Variants in EFS observed in about 807,000 individuals in gnomAD.
EFS encodes Cas scaffolding protein family member 3.
In EFS, 34 loss-of-function variants were observed where a neutral mutation model predicts 42.2. The observed-to-expected ratio is 0.81, with a 90% confidence interval of 0.61 to 1.07. The LOEUF (loss-of-function observed/expected upper bound fraction) is 1.07, where lower values mean the gene tolerates loss of function less well. Ranked by LOEUF, EFS falls within the 50% of genes least tolerant of loss-of-function variation. EFS has a pLI of 0.00. For missense variants in EFS, 717 were observed against 729.4 expected (o/e 0.98, Z 0.20); for synonymous variants, 299 against 320.7 (o/e 0.93, Z 0.72).
chr14:23,361,196 C>T (rs764307245), intron 1 of EFS, among the ~76,000 whole-genome samples: 2 of 152,164 alleles, frequency 1.3e-5, no homozygotes, highest in African/African-American at 2.4e-5. Flanking sequence ...AACATAGGAA[C>T]GGCTATATTT....
chr14:23,361,390 G>C (rs943728952), intron 1 of EFS, among the ~76,000 whole-genome samples: 3 of 152,134 alleles, frequency 2.0e-5, no homozygotes, highest in African/African-American at 7.2e-5. Flanking sequence ...TGAGAGACTG[G>C]GAGAGGCCTA....
Position 23,357,164 on chromosome 14 carries a change from A to C in EFS, c.*62T>G. The C allele has an allele frequency of 2.8e-6, 4 of 1,438,530 alleles. No individual in the cohort carries two copies. Among genetic ancestry groups the C allele is most frequent in the Non-Finnish European group, 3.7e-6 (4 of 1,079,464 alleles). The allele number at this position is 1,438,530 out of a possible 1,614,324, so 89.1% of individuals were successfully genotyped here. A position where few individuals can be genotyped will look rare whatever the true frequency, so the allele number is the denominator to read the frequency against. ...AGTCCCTTAACAAAGCCTTCCAGCC[A>C]CCCAAGGCCTAAAGGGGGGCTTTGG... On this transcript the variant is annotated 3_prime_UTR_variant, in exon 6 of 6. Transcript: ENST00000216733.
At chr14:23,360,953 A>T in intron 1 of EFS, 120 bp from the exon 2 acceptor site, 1 of 1,072,348 alleles carries the variant, frequency 9.3e-7, no homozygotes, top group African/African-American at 1.7e-5. Flanking sequence ...TGAACTCTGG[A>T]TGCAGCTTTC....
intron 1 of EFS, among the ~76,000 whole-genome samples, chr14:23,363,085 T>C (rs1884073238): frequency 6.6e-6 from 1 of 152,014 alleles, no homozygotes; most frequent in Admixed American, 6.6e-5. Context: ...GGCTAATTTT[T>C]TGTATTTTTA....
chr14:23,359,422 G>A lies in EFS; in HGVS notation c.1056C>T (p.Val352=), dbSNP rs759542910. The A allele has an allele frequency of 1.9e-5, 30 of 1,609,786 alleles. No homozygotes were observed. In the East Asian group the frequency reaches 4.7e-4, roughly 25 times the overall value. Residue 352 remains valine, a synonymous_variant, in exon 4 of 6, where the codon GTC becomes GTT. Transcript: ENST00000216733. The part of the protein sequence containing the change: ...PRLPGYGGPK[V]EGDPEGREME... ...TCTCCCTGCCCTCTGGATCCCCCTC[G>A]ACCTTGGGGCCTCCATAACCAGGCA... is the stretch of plus-strand genomic sequence containing the variant.
Position 23,358,952 on chromosome 14 carries a change from G to T in EFS, c.1175C>A (p.Ala392Asp), listed in dbSNP as rs1307647948. 5.0e-6 allele frequency: 8 copies of T among 1,612,394 alleles called. No homozygotes were observed. The highest frequency in any genetic ancestry group is 6.8e-6 in the Non-Finnish European group (8 of 1,179,226). The change falls in exon 5 of 6, where the codon GCT becomes GAT. Residue 392 changes from alanine (A) to aspartate (D), a missense_variant. Coordinates refer to ENST00000216733, the MANE Select transcript of EFS (RefSeq NM_005864.4). ...CTGATCCGGGGGCCTAGATCCCTGA[G>T]CTTTGTCCATGCCCTGCAGGAGGGG... ...DYVHLKGMDKAQGSRPPDQAC... is the reference protein window; with the variant it reads ...DYVHLKGMDKDQGSRPPDQAC...
chr14:23,364,371 T>C (rs772128928), intron 1 of EFS, among the ~76,000 whole-genome samples: 10 of 152,042 alleles, frequency 6.6e-5, no homozygotes, highest in Non-Finnish European at 1.3e-4. Flanking sequence ...CTAATGTAGG[T>C]GGCAGAGAGC....
chr14:23,359,735 G>C lies in EFS; in HGVS notation c.743C>G (p.Thr248Ser). The change falls in exon 4 of 6, where the codon ACT becomes AGT. Residue 248 changes from threonine to serine, a missense_variant. By Grantham distance (58) the Thr-to-Ser change is moderately conservative (BLOSUM62 1). Coordinates refer to ENST00000216733, the MANE Select transcript of EFS (RefSeq NM_005864.4). The part of the protein sequence containing the change: ...ELLADGEGGG[T>S]DEGIYDVPLL... Reference sequence around the variant, plus strand: ...AGGCACATCGTAGATCCCCTCATCAGTGCCCCCGCCCTCCCCGTCTGCCAG... The same window carrying C: ...AGGCACATCGTAGATCCCCTCATCACTGCCCCCGCCCTCCCCGTCTGCCAG... 1 of 1,517,486 alleles carries C rather than the reference G, an allele frequency of 6.6e-7. No individual in the cohort carries two copies. Among genetic ancestry groups the C allele is most frequent in the African/African-American group, 1.4e-5 (1 of 71,606 alleles). 94.0% of individuals were successfully genotyped at this position (1,517,486 alleles called of 1,614,324 possible).
In EFS at chr14:23,359,432, C is replaced by A. The variant is rs141615199; in HGVS notation, c.1046G>T (p.Gly349Val). 2.1e-5 allele frequency: 34 copies of A among 1,608,392 alleles called. No homozygotes were observed. The Admixed American group carries it at 2.9e-4, about 14-fold the overall frequency. Reference sequence around the variant, plus strand: ...CTCTGGATCCCCCTCGACCTTGGGGCCTCCATAACCAGGCAGGCGGGGTGG... The same window carrying A: ...CTCTGGATCCCCCTCGACCTTGGGGACTCCATAACCAGGCAGGCGGGGTGG... ...PPPPRLPGYG[G>V]PKVEGDPEGR... is the part of the protein sequence containing the mutation. Residue 349 changes from glycine to valine, a missense_variant, in exon 4 of 6, where the codon GGC becomes GTC. By Grantham distance (109) the Gly-to-Val change is moderately radical. Transcript: ENST00000216733.
At chr14:23,362,917 CT>C (rs57240518) in intron 1 of EFS, among the ~76,000 whole-genome samples, 373 of 139,646 alleles carry the variant, frequency 2.7e-3, no homozygotes, top group African/African-American at 4.3e-3. Context: ...TTCTTTCTTT[CT>C]TTTTTTTTTT....
chr14:23,364,520 C>G (rs1890256051), intron 1 of EFS, among the ~76,000 whole-genome samples: 1 of 152,180 alleles, frequency 6.6e-6, no homozygotes, highest in African/African-American at 2.4e-5. Context: ...CTTTCTTGAT[C>G]TCCCTCCTTT....
In EFS at chr14:23,357,624, T is replaced by C; in HGVS notation, c.1288A>G (p.Thr430Ala). ...LSPGEPLVVS[T>A]GDLQLLYFYA... ...AAGTACAGGAGCTGCAGATCTCCGG[T>C]GGACACAACCAGTGGCTCCCCTGGG... The change falls in exon 6 of 6, where the codon ACC (threonine) becomes GCC (alanine). Residue 430 changes from threonine (T) to alanine (A), a missense_variant. Physicochemically the swap from Thr to Ala is moderately conservative, Grantham distance 58. Transcript: ENST00000216733. 1.3e-6 allele frequency: 2 copies of C among 1,556,928 alleles called. No homozygotes were observed. The highest frequency in any genetic ancestry group is 1.7e-6 in the Non-Finnish European group (2 of 1,144,564).
At position 23,360,696 on chromosome 14, in the gene EFS, G is replaced by T. The variant is rs779760788; in HGVS notation, c.156C>A (p.His52Gln). The change falls in exon 2 of 6, where the codon CAC becomes CAA. Residue 52 changes from histidine (H) to glutamine (Q), a missense_variant. His to Gln is a conservative substitution (Grantham distance 24, BLOSUM62 0). Transcript: ENST00000216733. The part of the protein sequence containing the change: ...GLDGWCLCSL[H>Q]GQQGIVPANR... ...TGGCGGGCACAATGCCCTGCTGGCC[G>T]TGTAGGGAGCAGAGGCACCAGCCGT... 4 of 1,614,006 alleles carry T rather than the reference G, an allele frequency of 2.5e-6. No individual in the cohort carries two copies. The highest frequency in any genetic ancestry group is 3.4e-6 in the Non-Finnish European group (4 of 1,179,996).
intron 1 of EFS, among the ~76,000 whole-genome samples, chr14:23,363,300 C>T (rs971430794): frequency 3.9e-5 from 6 of 152,104 alleles, no homozygotes; most frequent in Non-Finnish European, 4.4e-5. Context: ...ATTCCATATG[C>T]GCATATCCAT....
chr14:23,358,837 C>T (rs1890011732), intron 5 of EFS, 39 bp downstream of exon 5: 7 of 1,562,210 alleles, frequency 4.5e-6, no homozygotes, highest in Non-Finnish European at 6.1e-6. Flanking sequence ...TTCCTCCCTC[C>T]CCTGTCCCCT....
At chr14:23,363,425 A>G (rs560747149) in intron 1 of EFS, among the ~76,000 whole-genome samples, 49 of 152,286 alleles carry the variant, frequency 3.2e-4, no homozygotes, top group African/African-American at 1.2e-3. Flanking sequence ...AATGCTCAAT[A>G]AATAATAGCT....
intron 1 of EFS, among the ~76,000 whole-genome samples, chr14:23,361,057 G>A (rs897834821): frequency 2.6e-5 from 4 of 152,110 alleles, no homozygotes; most frequent in African/African-American, 7.2e-5. Flanking sequence ...CAGAGAGGCC[G>A]ATTCTTTACT....
chr14:23,363,156 G>A (rs539802685), intron 1 of EFS, among the ~76,000 whole-genome samples: 25 of 151,818 alleles, frequency 1.6e-4, no homozygotes, highest in Non-Finnish European at 2.7e-4. Flanking sequence ...CTCATGATCC[G>A]CCCGCCTCTG....
rs763933917 is a variant in EFS, at chr14:23,365,039, C to G, written c.-14G>C. Reference sequence around the variant, plus strand: ...GGCAATGGCCATGGCTTTGGCCTCCCGCGCAGCCTGCCTCAGGCCAGGCTC... The same window carrying G: ...GGCAATGGCCATGGCTTTGGCCTCCGGCGCAGCCTGCCTCAGGCCAGGCTC... On this transcript the variant is annotated 5_prime_UTR_variant, in exon 1 of 6. Transcript: ENST00000216733. This position sits in a 1 kb window ranked among gnomAD's most constrained non-coding sequence, Gnocchi z 5.3. The G allele has an allele frequency of 9.1e-6, 12 of 1,325,866 alleles. No homozygotes were observed. Among genetic ancestry groups the G allele is most frequent in the Non-Finnish European group, 1.2e-5 (12 of 1,027,678 alleles). The allele number at this position is 1,325,866 out of a possible 1,614,324, so 82.1% of individuals were successfully genotyped here. A position where few individuals can be genotyped will look rare whatever the true frequency, so the allele number is the denominator to read the frequency against.
Sources: gnomAD v4.1 joint callset for allele counts (sites outside exome capture counted in the v4.1 genomes callset) on GRCh38, gnomAD v4.1.1 for gene constraint, Gnocchi (gnomAD v3.1) non-coding constraint, MANE v1.5 for transcripts, NCBI Gene and HGNC (gene_info 2026-07-23, HGNC 2026-07-21) for gene names.